The following PTPRD variants were observed in gnomAD, a reference collection of about 807,000 sequenced individuals.
PTPRD encodes the protein protein tyrosine phosphatase receptor type D, also known as receptor-type tyrosine-protein phosphatase delta.
In PTPRD, 34 loss-of-function variants were observed where a neutral mutation model predicts 214.5. The ratio of observed to expected loss-of-function variants is 0.16; its 90% confidence interval spans 0.12 to 0.21. The LOEUF (loss-of-function observed/expected upper bound fraction) is 0.21, where lower values mean the gene tolerates loss of function less well. Among genes scored for constraint, PTPRD ranks in the 10% least tolerant of loss-of-function variants. The pLI, the probability that PTPRD is intolerant of heterozygous loss-of-function variation, is 1.00. For missense variants in PTPRD, 2,545 were observed against 2,398.7 expected (o/e 1.06, Z -1.27); for synonymous variants, 1,128 against 845.7 (o/e 1.33, Z -5.79).
At chr9:9,954,297 C>CCAA (rs1555388978) in intron 4 of PTPRD, among the ~76,000 whole-genome samples, 730 of 53,776 alleles carry the variant, frequency 0.014, 76 homozygotes, top group African/African-American at 0.035. Context: ...TGTCTCAAAA[C>CCAA]AAAAAAAAAA....
rs79724143 is a variant in PTPRD at position 8,609,960 on chromosome 9, G to A, written c.352+23357C>T. 3.1e-3 allele frequency among the ~76,000 whole-genome samples: 465 copies of A among 152,150 alleles called. 4 individuals carry two copies. Among genetic ancestry groups the A allele is most frequent in the African/African-American group, 0.01 (436 of 41,526 alleles). On this transcript the variant is annotated intron_variant, in intron 14 of 45. Transcript: ENST00000381196. ...TAGATTCATATTAAGTTCTGATTAC[G>A]AGCTGAGCTACTAAGGCTCACTGTA...
chr9:9,748,195 G>A (rs1357532371), intron 6 of PTPRD, among the ~76,000 whole-genome samples: 2 of 152,108 alleles, frequency 1.3e-5, no homozygotes, highest in African/African-American at 4.8e-5. Context: ...AGATAGTATG[G>A]TAATAATCTT....
intron 8 of PTPRD, among the ~76,000 whole-genome samples, chr9:9,474,484 A>G (rs1399041459): frequency 6.6e-6 from 1 of 152,064 alleles, no homozygotes; most frequent in African/African-American, 2.4e-5. Context: ...GAAGAATTCC[A>G]TTGGTGTTTT....
At chr9:8,685,821 G>C (rs74309294) in intron 12 of PTPRD, among the ~76,000 whole-genome samples, 109 of 152,298 alleles carry the variant, frequency 7.2e-4, no homozygotes, top group African/African-American at 2.5e-3. Context: ...TTTACATACA[G>C]TGCTTTTTGT....
At chr9:9,418,090 G>C (rs868522654) in intron 8 of PTPRD, among the ~76,000 whole-genome samples, 1 of 152,020 alleles carries the variant, frequency 6.6e-6, no homozygotes, top group Non-Finnish European at 1.5e-5. Flanking sequence ...CTGTGTAAGA[G>C]CATCTTTTCA....
intron 14 of PTPRD, among the ~76,000 whole-genome samples, chr9:8,583,839 T>G (rs200674375): frequency 6.6e-6 from 1 of 152,182 alleles, no homozygotes; most frequent in Non-Finnish European, 1.5e-5. Context: ...TTTCTGTACT[T>G]TCTTCATTTC....
chr9:9,707,066 T>C (rs941695301), intron 7 of PTPRD, among the ~76,000 whole-genome samples: 1 of 152,166 alleles, frequency 6.6e-6, no homozygotes, highest in Non-Finnish European at 1.5e-5. Context: ...AATGAACAGA[T>C]GTCCTTTTTA....
intron 11 of PTPRD, among the ~76,000 whole-genome samples, chr9:8,907,776 G>T (rs1459603458): frequency 6.6e-6 from 1 of 151,908 alleles, no homozygotes; most frequent in Non-Finnish European, 1.5e-5. Flanking sequence ...GAGAATAAAA[G>T]ATTGAAGAGA....
Position 10,183,590 on chromosome 9 carries a change from T to C in PTPRD, c.-544-149800A>G, listed in dbSNP as rs189267889. Among the ~76,000 whole-genome samples, 691 of 152,340 alleles carry C rather than the reference T, an allele frequency of 4.5e-3. 12 individuals are homozygous for C. The highest frequency in any genetic ancestry group is 0.016 in the African/African-American group (650 of 41,580). The stretch of plus-strand genomic sequence containing the variant: ...GTTGCAGGTGTTTGATTTATTTAAT[T>C]TCTTTCTTTTTTTTCACCTTTTCTC... On this transcript the variant is annotated intron_variant, in intron 3 of 45. Transcript: ENST00000381196.
At chr9:9,919,661 C>G (rs1566316933) in intron 5 of PTPRD, among the ~76,000 whole-genome samples, 3 of 152,114 alleles carry the variant, frequency 2.0e-5, no homozygotes, top group South Asian at 2.1e-4. Flanking sequence ...TATATTGCAG[C>G]TTAATGATTT....
intron 2 of PTPRD, among the ~76,000 whole-genome samples, chr9:10,523,601 G>A (rs6150917): frequency 5.3e-4 from 34 of 64,330 alleles, no homozygotes; most frequent in South Asian, 7.5e-4. Context: ...ATATTTATCT[G>A]TATATATATA....
chr9:9,710,684 C>G (rs752079562), intron 7 of PTPRD, among the ~76,000 whole-genome samples: 1 of 151,792 alleles, frequency 6.6e-6, no homozygotes, highest in East Asian at 1.9e-4. Flanking sequence ...CCATTTTCAT[C>G]TTCAAATTTC....
intron 3 of PTPRD, among the ~76,000 whole-genome samples, chr9:10,130,556 A>T (rs1473013341): frequency 1.3e-5 from 2 of 152,152 alleles, no homozygotes; most frequent in East Asian, 1.9e-4. Context: ...CTTAGTCATC[A>T]ACCAAATATT....
At chr9:9,809,780 T>A (rs979862303) in intron 5 of PTPRD, among the ~76,000 whole-genome samples, 4 of 152,140 alleles carry the variant, frequency 2.6e-5, no homozygotes, top group African/African-American at 7.2e-5. Flanking sequence ...CAGGTGACAT[T>A]CCATGATCAG....
chr9:9,517,390 A>C (rs2096864200), intron 8 of PTPRD, among the ~76,000 whole-genome samples: 1 of 152,146 alleles, frequency 6.6e-6, no homozygotes, highest in Admixed American at 6.6e-5. Flanking sequence ...GTAATGTGAC[A>C]TAGATATACT....
chr9:9,764,995 A>C (rs1031091097), intron 6 of PTPRD, among the ~76,000 whole-genome samples: 3 of 152,190 alleles, frequency 2.0e-5, no homozygotes, highest in African/African-American at 7.2e-5. Context: ...TGTTTGATTA[A>C]GTCCCTGCCA....
intron 11 of PTPRD, among the ~76,000 whole-genome samples, chr9:8,771,343 T>C (rs2095197577): frequency 6.6e-6 from 1 of 152,172 alleles, no homozygotes; most frequent in South Asian, 2.1e-4. Context: ...GTACACAAAA[T>C]ACTAAAGACT....
intron 11 of PTPRD, among the ~76,000 whole-genome samples, chr9:9,008,118 T>G (rs1056647651): frequency 1.3e-5 from 2 of 149,154 alleles, no homozygotes; most frequent in African/African-American, 4.9e-5. Flanking sequence ...GTTTTTAACT[T>G]TTAGGATGTT....
chr9:10,360,921 T>A (rs1234278089), intron 2 of PTPRD, among the ~76,000 whole-genome samples: 1 of 151,984 alleles, frequency 6.6e-6, no homozygotes, highest in African/African-American at 2.4e-5. Context: ...GCTAACACGA[T>A]GAAACCCCGT....
Sources: gnomAD v4.1 joint callset for allele counts (sites outside exome capture counted in the v4.1 genomes callset) on GRCh38, gnomAD v4.1.1 for gene constraint, MANE v1.5 for transcripts, NCBI Gene and HGNC (gene_info 2026-07-23, HGNC 2026-07-21) for gene names.